Variants in TUBGCP4 observed in about 807,000 individuals in gnomAD.
TUBGCP4 encodes gamma-tubulin complex component 4.
In TUBGCP4, 54 loss-of-function variants were observed where a neutral mutation model predicts 91.6. The observed-to-expected ratio is 0.59, with a 90% CI of 0.47 to 0.74. TUBGCP4 has a LOEUF of 0.74. Ranked by LOEUF, TUBGCP4 falls within the 30% of genes least tolerant of loss-of-function variation. The probability of loss-of-function intolerance (pLI) is 0.00; values close to 1 mark genes in which losing one functional copy is unlikely to be tolerated. For missense variants in TUBGCP4, 593 were observed against 800.9 expected (o/e 0.74, Z 3.13); for synonymous variants, 297 against 302.8 (o/e 0.98, Z 0.20).
intron 6 of TUBGCP4, among the ~76,000 whole-genome samples, chr15:43,381,668 G>C (rs967181735): frequency 3.3e-5 from 5 of 152,148 alleles, no homozygotes; most frequent in African/African-American, 1.2e-4. Context: ...GGAGGTTGAT[G>C]CTGCAGTGAG....
intron 9 of TUBGCP4, 49 bp downstream of exon 9, chr15:43,386,379 T>A (rs12906688): frequency 9.7e-3 from 576 of 59,132 alleles, no homozygotes; most frequent in Middle Eastern, 0.013. Context: ...ATATATATAT[T>A]TTTTTTTTTT....
chr15:43,407,085 T>TAAC lies in TUBGCP4; in HGVS notation c.*1872_*1874dup, dbSNP rs1555397906. The TAAC allele has an allele frequency of 6.5e-6, 2 of 307,920 alleles. No individual in the cohort carries two copies. The highest frequency in any genetic ancestry group is 6.1e-6 in the Non-Finnish European group (1 of 163,642). The allele number at this position is 307,920 out of a possible 1,614,324, so 19.1% of individuals were successfully genotyped here. A position where few individuals can be genotyped will look rare whatever the true frequency, so the allele number is the denominator to read the frequency against. On this transcript the variant is annotated 3_prime_UTR_variant, in exon 18 of 18. Transcript: ENST00000564079. ...GATGCCACAGAATAAAGTTCACTCT[T>TAAC]AACTTTTCAATTTCCTTGGCCAGCT... is the stretch of plus-strand genomic sequence containing the variant.
chr15:43,378,697 T>C (rs894503471), intron 5 of TUBGCP4, among the ~76,000 whole-genome samples: 20 of 152,376 alleles, frequency 1.3e-4, no homozygotes, highest in African/African-American at 4.6e-4. Flanking sequence ...TGGGTGCTCA[T>C]TGGCCCTTCA....
chr15:43,404,736 T>A (rs2044801493), intron 17 of TUBGCP4, 184 bp downstream of exon 17: 1 of 667,370 alleles, frequency 1.5e-6, no homozygotes, highest in Admixed American at 3.0e-5. Flanking sequence ...GAAGTCATCA[T>A]CATCATAAAA....
In TUBGCP4 at chr15:43,390,515, C is replaced by CTT. The variant is rs201543896; in HGVS notation, c.1014+4198_1014+4199dup. Among the ~76,000 whole-genome samples, 398 of 136,978 alleles carry CTT rather than the reference C, an allele frequency of 2.9e-3. 4 individuals carry two copies. Among genetic ancestry groups the CTT allele is most frequent in the African/African-American group, 9.0e-3 (332 of 36,938 alleles). The allele number at this position is 136,978 out of a possible 152,430, so 89.9% of individuals were successfully genotyped here. ...TTGTTTTTAATCTTTTTTCTTTTTT[C>CTT]TTTTTTTTTTTTTTGAGACAGAGTC... On this transcript the variant is annotated intron_variant, in intron 9 of 17. Coordinates refer to ENST00000564079, the MANE Select transcript of TUBGCP4 (RefSeq NM_014444.5).
chr15:43,381,026 C>T (rs1221483307), intron 6 of TUBGCP4, among the ~76,000 whole-genome samples: 4 of 151,916 alleles, frequency 2.6e-5, no homozygotes, highest in Admixed American at 6.6e-5. Flanking sequence ...AGGCTGGTCT[C>T]GAACTCCTAG....
intron 11 of TUBGCP4, among the ~76,000 whole-genome samples, chr15:43,396,920 A>G (rs1249720162): frequency 2.0e-5 from 3 of 152,208 alleles, no homozygotes; most frequent in Admixed American, 6.5e-5. Context: ...AGAGTATTAC[A>G]TTCCATTTGA....
chr15:43,397,518 T>C (rs1414753234), intron 12 of TUBGCP4, among the ~76,000 whole-genome samples, 197 bp downstream of exon 12: 1 of 152,068 alleles, frequency 6.6e-6, no homozygotes, highest in African/African-American at 2.4e-5. Flanking sequence ...AGGCCATGTT[T>C]TGGGGGAGTT....
chr15:43,392,562 G>C (rs1186342877), intron 9 of TUBGCP4, among the ~76,000 whole-genome samples: 1 of 152,088 alleles, frequency 6.6e-6, no homozygotes, highest in Non-Finnish European at 1.5e-5. Flanking sequence ...GCAGTGGCGT[G>C]ATCTCGGCTC....
intron 7 of TUBGCP4, chr15:43,385,366 A>C (rs1199973446): frequency 4.4e-6 from 2 of 456,536 alleles, no homozygotes; most frequent in Non-Finnish European, 4.4e-6. Context: ...TACACTGATC[A>C]GTCACAGAAG....
Position 43,376,123 on chromosome 15 carries a change from AC to A in TUBGCP4, c.108del (p.Ser37ValfsTer6). The A allele has an allele frequency of 6.2e-7, 1 of 1,612,462 alleles. No homozygotes were observed. Among genetic ancestry groups the A allele is most frequent in the Non-Finnish European group, 8.5e-7 (1 of 1,178,896 alleles). On this transcript the variant is annotated frameshift_variant, in exon 2 of 18. Coordinates refer to ENST00000564079, the MANE Select transcript of TUBGCP4 (RefSeq NM_014444.5). LOFTEE classifies it high-confidence loss of function. ...GTATCGCAGGACTTCCCTTTCCTCC[AC>A]CCCAGTGAGACCAGTGTCCTGAATC... ...LQVSQDFPFL[H>X]PSETSVLNRL...
chr15:43,400,048 A>G lies in TUBGCP4; in HGVS notation c.1423A>G (p.Asn475Asp). ...LFTPAVLEKYNVVFKYLLSVR... is the reference protein window; with the variant it reads ...LFTPAVLEKYDVVFKYLLSVR... ...ATCCTGTTATTTCTGTCCTAGGTAC[A>G]ATGTTGTTTTTAAGTACTTACTGAG... The change falls in exon 14 of 18, where the codon AAT becomes GAT. Residue 475 changes from asparagine to aspartate, a missense_variant. Asn to Asp is a conservative substitution (Grantham distance 23). Coordinates refer to ENST00000564079, the MANE Select transcript of TUBGCP4 (RefSeq NM_014444.5). 1.2e-6 allele frequency: 2 copies of G among 1,610,372 alleles called. No homozygotes were observed. Among genetic ancestry groups the G allele is most frequent in the Non-Finnish European group, 1.7e-6 (2 of 1,177,044 alleles).
intron 15 of TUBGCP4, chr15:43,402,425 GTTAAAGA>G: frequency 6.6e-6 from 1 of 152,320 alleles, no homozygotes; most frequent in Non-Finnish European, 1.5e-5. Context: ...ACCCTCAGGA[GTTAAAGA>G]AACTCAAAAT....
rs1254972040 is a variant in TUBGCP4 at position 43,383,223 on chromosome 15, C to T, written c.522-80C>T. 7 of 1,199,508 alleles carry T rather than the reference C, an allele frequency of 5.8e-6. No homozygotes were observed. The East Asian group carries it at 9.7e-5, about 17-fold the overall frequency. 74.3% of individuals were successfully genotyped at this position (1,199,508 alleles called of 1,614,324 possible). ...TTAATTGGTTATTTCTGTTATGACT[C>T]ATCAAATTCTCAGGCCTCTGTTTAT... is the stretch of plus-strand genomic sequence containing the variant. On this transcript the variant is annotated intron_variant, in intron 6 of 17. Transcript: ENST00000564079.
Position 43,409,163 on chromosome 15 carries a change from T to C in TUBGCP4, c.*3949T>C. On this transcript the variant is annotated 3_prime_UTR_variant, in exon 18 of 18. Transcript: ENST00000564079. ...GTGGAAAGCTCCTAAGCAGCAGCCA[T>C]AATGAGCCATGAAGAGCAGATCTGA... is the stretch of plus-strand genomic sequence containing the variant. 6.8e-7 allele frequency: 1 copy of C among 1,469,828 alleles called. No individual in the cohort carries two copies. Among genetic ancestry groups the C allele is most frequent in the Non-Finnish European group, 9.5e-7 (1 of 1,056,328 alleles). The allele number at this position is 1,469,828 out of a possible 1,614,324, so 91.0% of individuals were successfully genotyped here.
chr15:43,389,868 G>C (rs1393846107), intron 9 of TUBGCP4, among the ~76,000 whole-genome samples: 1 of 151,778 alleles, frequency 6.6e-6, no homozygotes, highest in African/African-American at 2.4e-5. Flanking sequence ...AGCTTCTGTA[G>C]GGGCACTCCC....
In TUBGCP4 at chr15:43,409,065, G is replaced by A. The variant is rs1157211964; in HGVS notation, c.*3851G>A. On this transcript the variant is annotated 3_prime_UTR_variant, in exon 18 of 18. Coordinates refer to ENST00000564079, the MANE Select transcript of TUBGCP4 (RefSeq NM_014444.5). The stretch of plus-strand genomic sequence containing the variant: ...CTTCCGGGTTCGACAATGCTGATCC[G>A]CAATTAGAAGACACTGGTAAGCTGT... 2 of 1,614,168 alleles carry A rather than the reference G, an allele frequency of 1.2e-6. No individual in the cohort carries two copies. The highest frequency in any genetic ancestry group is 1.3e-5 in the African/African-American group (1 of 75,042).
chr15:43,409,224 T>C lies in TUBGCP4; in HGVS notation c.*4010T>C. On this transcript the variant is annotated 3_prime_UTR_variant, in exon 18 of 18. Coordinates refer to ENST00000564079, the MANE Select transcript of TUBGCP4 (RefSeq NM_014444.5). ...CTACTACCCAAAATGTGATTTAGTC[T>C]ATCCTGCCCAAGGCCACTCTTCTCA... The C allele has an allele frequency of 1.2e-6, 1 of 809,702 alleles. No homozygotes were observed. Among genetic ancestry groups the C allele is most frequent in the Non-Finnish European group, 2.0e-6 (1 of 503,402 alleles). 50.2% of individuals were successfully genotyped at this position (809,702 alleles called of 1,614,324 possible).
intron 9 of TUBGCP4, among the ~76,000 whole-genome samples, chr15:43,392,480 T>G (rs2044492494): frequency 6.6e-6 from 1 of 151,934 alleles, no homozygotes; most frequent in African/African-American, 2.4e-5. Flanking sequence ...ACAGGTCTGG[T>G]TTTTGTTTGT....
Sources: gnomAD v4.1 joint callset for allele counts (sites outside exome capture counted in the v4.1 genomes callset) on GRCh38, gnomAD v4.1.1 for gene constraint, MANE v1.5 for transcripts, NCBI Gene and HGNC (gene_info 2026-07-23, HGNC 2026-07-21) for gene names.